MDGA1: variants seen among roughly 807,000 people sequenced by gnomAD.
MDGA1 encodes the protein MAM domain containing glycosylphosphatidylinositol anchor 1.
In MDGA1, 54 loss-of-function variants were observed where a neutral mutation model predicts 101.5. The observed-to-expected ratio is 0.53, with a 90% CI of 0.43 to 0.67. The LOEUF is 0.67. Ranked by LOEUF, MDGA1 falls within the 30% of genes least tolerant of loss-of-function variation. The pLI, the probability that MDGA1 is intolerant of heterozygous loss-of-function variation, is 0.00. For missense variants in MDGA1, 1,083 were observed against 1,323.8 expected, an observed-to-expected ratio of 0.82 and a Z score of 2.82; for synonymous variants, 533 against 558.3, an observed-to-expected ratio of 0.95 and a Z score of 0.64.
At chr6:37,651,966 T>C in intron 7 of MDGA1, 45 bp downstream of exon 7, 2 of 1,467,514 alleles carry the variant, frequency 1.4e-6, no homozygotes, top group East Asian at 4.9e-5. Flanking sequence ...TCTGTGGGCC[T>C]CTCCACCCCC....
intron 2 of MDGA1, among the ~76,000 whole-genome samples, chr6:37,661,978 A>G (rs1761634382): frequency 1.5e-5 from 2 of 129,550 alleles, no homozygotes; most frequent in Non-Finnish European, 3.3e-5. Context: ...AACATGGTGA[A>G]AACCTGTCTC....
intron 1 of MDGA1, among the ~76,000 whole-genome samples, chr6:37,668,039 C>A (rs1274616929): frequency 6.6e-6 from 1 of 152,084 alleles, no homozygotes; most frequent in Non-Finnish European, 1.5e-5. Context: ...TCACTTGAGC[C>A]CAGGACTTCT....
At chr6:37,673,466 C>A (rs1581618269) in intron 1 of MDGA1, among the ~76,000 whole-genome samples, 1 of 152,226 alleles carries the variant, frequency 6.6e-6, no homozygotes, top group Admixed American at 6.5e-5. Context: ...CGGTCGGGGG[C>A]CTGGGAGGAG....
Position 37,633,797 on chromosome 6 carries a change from G to C in MDGA1, c.*3571C>G, listed in dbSNP as rs774585967. 1 of 152,370 alleles carries C rather than the reference G, an allele frequency of 6.6e-6. No individual in the cohort carries two copies. The highest frequency in any genetic ancestry group is 6.5e-5 in the Admixed American group (1 of 15,288). The allele number at this position is 152,370 out of a possible 1,614,324, so 9.4% of individuals were successfully genotyped here. Reference sequence around the variant, plus strand: ...TGTTTGGCAGGAGACCTCAGGGGCAGTGACAAGCGGTGTGACACCCCCAGG... The same window carrying C: ...TGTTTGGCAGGAGACCTCAGGGGCACTGACAAGCGGTGTGACACCCCCAGG... On this transcript the variant is annotated 3_prime_UTR_variant, in exon 17 of 17. Coordinates refer to ENST00000434837, the MANE Select transcript of MDGA1 (RefSeq NM_153487.4).
At chr6:37,647,064 A>G (rs558211291) in intron 10 of MDGA1, 109 bp downstream of exon 10, 16 of 1,003,322 alleles carry the variant, frequency 1.6e-5, no homozygotes, top group Admixed American at 1.4e-4. Context: ...AAAAGGGTCA[A>G]CGTGTCTAAG....
chr6:37,696,574 T>C lies in MDGA1; in HGVS notation c.67+171A>G, dbSNP rs1581640365. ...CAGACCCTACGACCGGCCCCTGTGT[T>C]CCGAAGCAGCTAGCTCGGTCTCCAC... On this transcript the variant is annotated intron_variant, in intron 1 of 16. Coordinates refer to ENST00000434837, the MANE Select transcript of MDGA1 (RefSeq NM_153487.4). This position sits in a 1 kb window ranked among gnomAD's most constrained non-coding sequence, Gnocchi z 5.6. 2.0e-5 allele frequency among the ~76,000 whole-genome samples: 3 copies of C among 151,976 alleles called. No homozygotes were observed. In the Middle Eastern group the frequency reaches 0.01, roughly 517 times the overall value.
chr6:37,694,602 C>G (rs1260571877), intron 1 of MDGA1, among the ~76,000 whole-genome samples: 3 of 152,200 alleles, frequency 2.0e-5, no homozygotes, highest in African/African-American at 7.2e-5. Context: ...CTACAGAGAT[C>G]CTCCCTTCTG....
chr6:37,664,604 C>CACACAG (rs1156711317), intron 1 of MDGA1, among the ~76,000 whole-genome samples: 3 of 116,188 alleles, frequency 2.6e-5, no homozygotes, highest in Non-Finnish European at 5.2e-5. Flanking sequence ...CCACAATACA[C>CACACAG]ACACACACAC....
chr6:37,655,160 T>C lies in MDGA1; in HGVS notation c.580-228A>G. 1.7e-6 allele frequency: 1 copy of C among 592,308 alleles called. No homozygotes were observed. Among genetic ancestry groups the C allele is most frequent in the Non-Finnish European group, 3.0e-6 (1 of 338,618 alleles). The allele number at this position is 592,308 out of a possible 1,614,324, so 36.7% of individuals were successfully genotyped here. ...ATCATGGGATTCTCTGGGTCTGAGG[T>C]TGCCCTTGTGCACACTGGCAAGTAC... On this transcript the variant is annotated intron_variant, in intron 4 of 16. Coordinates refer to ENST00000434837, the MANE Select transcript of MDGA1 (RefSeq NM_153487.4). This position sits in a 1 kb window ranked among gnomAD's most constrained non-coding sequence, Gnocchi z 5.1.
chr6:37,646,141 A>T, intron 11 of MDGA1, 57 bp downstream of exon 11: 1 of 1,553,150 alleles, frequency 6.4e-7, no homozygotes, highest in Non-Finnish European at 8.7e-7. Context: ...GGATGGTGAA[A>T]GGGGTCCCTG....
At chr6:37,661,812 T>A (rs1385899231) in intron 2 of MDGA1, among the ~76,000 whole-genome samples, 2 of 151,996 alleles carry the variant, frequency 1.3e-5, no homozygotes, top group Non-Finnish European at 2.9e-5. Context: ...AGGGGAGTGA[T>A]ATGATGTAGC....
At position 37,696,317 on chromosome 6, in the gene MDGA1, G is replaced by T. The variant is rs748743502; in HGVS notation, c.67+428C>A. Reference sequence around the variant, plus strand: ...GAGCCCGCCGCCCGGCCTTGGTGCTGACAGCCGGCTCGCCCGCAAGCCGCG... The same window carrying T: ...GAGCCCGCCGCCCGGCCTTGGTGCTTACAGCCGGCTCGCCCGCAAGCCGCG... On this transcript the variant is annotated intron_variant, in intron 1 of 16. Transcript: ENST00000434837. This position sits in a 1 kb window ranked among gnomAD's most constrained non-coding sequence, Gnocchi z 5.6. Among the ~76,000 whole-genome samples, 1 of 152,142 alleles carries T rather than the reference G, an allele frequency of 6.6e-6. No individual in the cohort carries two copies. The highest frequency in any genetic ancestry group is 2.4e-5 in the African/African-American group (1 of 41,432).
chr6:37,646,081 A>T, intron 11 of MDGA1, 117 bp downstream of exon 11: 1 of 1,574,554 alleles, frequency 6.4e-7, no homozygotes, highest in South Asian at 1.1e-5. Context: ...TCTGGCCTGC[A>T]GTGACAAGGT....
At position 37,654,558 on chromosome 6, in the gene MDGA1, AG is replaced by A; in HGVS notation, c.713-16del. On this transcript the variant is annotated splice_polypyrimidine_tract_variant and intron_variant, in intron 5 of 16. Coordinates refer to ENST00000434837, the MANE Select transcript of MDGA1 (RefSeq NM_153487.4). ...GGCTGGTGGTGCTAAGAGGACAAGGAGGGGGGTCTTAGGGGACTGTGAGGCA... is the reference window on the plus strand; with the variant it reads ...GGCTGGTGGTGCTAAGAGGACAAGGAGGGGGTCTTAGGGGACTGTGAGGCA... The A allele has an allele frequency of 6.2e-7, 1 of 1,613,658 alleles. No homozygotes were observed. Among genetic ancestry groups the A allele is most frequent in the African/African-American group, 1.3e-5 (1 of 74,918 alleles).
At position 37,646,313 on chromosome 6, in the gene MDGA1, C is replaced by A. The variant is rs763190662; in HGVS notation, c.2109G>T (p.Leu703=). The change falls in exon 11 of 17, where the codon CTG becomes CTT. Residue 703 remains leucine, a synonymous_variant. Transcript: ENST00000434837. ...IPVRRVEKGQ[L]LEYILTDLRV... is the part of the protein sequence containing the mutation. Reference sequence around the variant, plus strand: ...GGAGATCGGTCAGGATGTACTCCAGCAGCTGCCCCTTCTCCACACGCCGGA... The same window carrying A: ...GGAGATCGGTCAGGATGTACTCCAGAAGCTGCCCCTTCTCCACACGCCGGA... The A allele has an allele frequency of 1.3e-6, 2 of 1,594,520 alleles. No individual in the cohort carries two copies. Among genetic ancestry groups the A allele is most frequent in the Admixed American group, 3.5e-5 (2 of 57,556 alleles).
intron 2 of MDGA1, among the ~76,000 whole-genome samples, chr6:37,662,471 C>T (rs1581606954): frequency 6.6e-6 from 1 of 151,632 alleles, no homozygotes; most frequent in East Asian, 1.9e-4. Context: ...CCTGTATCTA[C>T]AAAAACAATT....
At chr6:37,683,940 T>C (rs1762146133) in intron 1 of MDGA1, among the ~76,000 whole-genome samples, 1 of 152,168 alleles carries the variant, frequency 6.6e-6, no homozygotes, top group Non-Finnish European at 1.5e-5. Flanking sequence ...CTACGAAATT[T>C]CTCACATGGC....
chr6:37,677,458 A>G (rs1441401810), intron 1 of MDGA1, among the ~76,000 whole-genome samples: 2 of 152,212 alleles, frequency 1.3e-5, no homozygotes, highest in Non-Finnish European at 2.9e-5. Flanking sequence ...CAGCAGAGAA[A>G]TGGTGACCCG....
chr6:37,644,464 T>A, intron 13 of MDGA1, 33 bp downstream of exon 13: 2 of 1,506,288 alleles, frequency 1.3e-6, no homozygotes, highest in Non-Finnish European at 8.9e-7. Flanking sequence ...CCTGAAGCAA[T>A]CCTCCATTTC....
Sources: allele counts gnomAD v4.1 joint callset (sites outside exome capture counted in the v4.1 genomes callset), GRCh38; gene constraint gnomAD v4.1.1; non-coding constraint Gnocchi (gnomAD v3.1); transcripts MANE v1.5; gene names NCBI Gene and HGNC (gene_info 2026-07-23, HGNC 2026-07-21).